Variants in VTI1A observed in about 807,000 individuals in gnomAD.
VTI1A encodes the protein vesicle transport through interaction with t-SNAREs homolog 1A.
A neutral mutation model predicts 34.9 loss-of-function variants in VTI1A; 22 were observed. The ratio of observed to expected loss-of-function variants is 0.63; its 90% CI spans 0.45 to 0.90. VTI1A has a LOEUF of 0.90. Among genes scored for constraint, VTI1A ranks in the 40% least tolerant of loss-of-function variants. The probability of loss-of-function intolerance (pLI) is 0.00; values close to 1 mark genes in which losing one functional copy is unlikely to be tolerated. For missense variants in VTI1A, 268 were observed against 275.6 expected, an observed-to-expected ratio of 0.97 and a Z score of 0.20; for synonymous variants, 87 against 97.3, an observed-to-expected ratio of 0.89 and a Z score of 0.62.
chr10:112,768,484 C>T (rs980215245), intron 7 of VTI1A, among the ~76,000 whole-genome samples: 1 of 152,188 alleles, frequency 6.6e-6, no homozygotes, highest in African/African-American at 2.4e-5. Context: ...CCCCCATGAT[C>T]GTCTACCAGT....
At chr10:112,712,470 A>G (rs1034216079) in intron 7 of VTI1A, among the ~76,000 whole-genome samples, 3 of 123,644 alleles carry the variant, frequency 2.4e-5, no homozygotes, top group East Asian at 2.6e-4. Context: ...GAGATCAACT[A>G]TTATCACACA....
chr10:112,631,131 A>G (rs982238836), intron 5 of VTI1A, among the ~76,000 whole-genome samples: 2 of 149,624 alleles, frequency 1.3e-5, no homozygotes, highest in Admixed American at 6.7e-5. Flanking sequence ...CTCTGTCTCA[A>G]AAAAAAAAAG....
intron 1 of VTI1A, among the ~76,000 whole-genome samples, chr10:112,459,872 A>T (rs953886574): frequency 1.3e-5 from 2 of 152,186 alleles, no homozygotes; most frequent in African/African-American, 2.4e-5. Flanking sequence ...AAGTAATTTC[A>T]CTTGCATCAA....
At chr10:112,807,901 C>A (rs1170942793) in intron 7 of VTI1A, among the ~76,000 whole-genome samples, 1 of 151,818 alleles carries the variant, frequency 6.6e-6, no homozygotes, top group Non-Finnish European at 1.5e-5. Context: ...TGAATCACAT[C>A]CACAAAGACC....
the VTI1A span, among the ~76,000 whole-genome samples, chr10:112,835,068 T>G: frequency 6.6e-6 from 1 of 152,130 alleles, no homozygotes; most frequent in Non-Finnish European, 1.5e-5. Flanking sequence ...AAATAAAGCA[T>G]GCTTAGACAC....
At chr10:112,654,748 T>G (rs1253918659) in intron 5 of VTI1A, among the ~76,000 whole-genome samples, 2 of 152,220 alleles carry the variant, frequency 1.3e-5, no homozygotes, top group Admixed American at 1.3e-4. Context: ...CCCAAAGTAC[T>G]GGGATTACAG....
intron 3 of VTI1A, among the ~76,000 whole-genome samples, chr10:112,480,957 G>GTATGGAC (rs1011898137): frequency 6.6e-6 from 1 of 152,154 alleles, no homozygotes; most frequent in Non-Finnish European, 1.5e-5. Context: ...AGAGTATGGA[G>GTATGGAC]AACTGAGCCA....
intron 7 of VTI1A, among the ~76,000 whole-genome samples, chr10:112,728,486 TC>T (rs1850127614): frequency 6.6e-6 from 1 of 152,232 alleles, no homozygotes; most frequent in Non-Finnish European, 1.5e-5. Context: ...AAGGAGCTTG[TC>T]CACAGTATGT....
intron 2 of VTI1A, among the ~76,000 whole-genome samples, chr10:112,462,550 A>G (rs1847759576): frequency 6.6e-6 from 1 of 152,228 alleles, no homozygotes; most frequent in South Asian, 2.1e-4. Context: ...TCAGAGAGTT[A>G]TTTTAAATAA....
At chr10:112,538,488 T>G (rs1000812972) in intron 5 of VTI1A, 158 bp downstream of exon 5, 1 of 637,504 alleles carries the variant, frequency 1.6e-6, no homozygotes, top group African/African-American at 1.9e-5. Context: ...GCGCTTATCT[T>G]TTTTCAAGTT....
At chr10:112,580,884 C>T (rs1203999922) in intron 5 of VTI1A, among the ~76,000 whole-genome samples, 3 of 152,246 alleles carry the variant, frequency 2.0e-5, no homozygotes, top group Admixed American at 6.5e-5. Context: ...TTAGGAATAA[C>T]TACGTACTGG....
intron 7 of VTI1A, among the ~76,000 whole-genome samples, chr10:112,769,583 G>A (rs1012407218): frequency 3.9e-5 from 6 of 152,312 alleles, no homozygotes; most frequent in Admixed American, 3.9e-4. Flanking sequence ...CCAGCAAGGT[G>A]GAGCCTTGGT....
chr10:112,802,467 A>T (rs1852908207), intron 7 of VTI1A, among the ~76,000 whole-genome samples: 1 of 152,170 alleles, frequency 6.6e-6, no homozygotes, highest in Admixed American at 6.5e-5. Flanking sequence ...GGATGATAAT[A>T]GGCCCCAGCT....
chr10:112,500,943 T>G (rs1283515823), intron 3 of VTI1A, among the ~76,000 whole-genome samples: 1 of 152,236 alleles, frequency 6.6e-6, no homozygotes, highest in Non-Finnish European at 1.5e-5. Context: ...AGGTCAGGCT[T>G]CTTCTTTGTA....
At chr10:112,486,668 T>TAAGAATATACAGTTGTATATTCTC in intron 3 of VTI1A, among the ~76,000 whole-genome samples, 1 of 151,422 alleles carries the variant, frequency 6.6e-6, no homozygotes. Context: ...TGTATATTCT[T>TAAGAATATACAGTTGTATATTCTC]AAGAATATAC....
intron 3 of VTI1A, among the ~76,000 whole-genome samples, chr10:112,499,760 T>C (rs1196777880): frequency 2.6e-5 from 4 of 152,260 alleles, no homozygotes; most frequent in African/African-American, 9.6e-5. Flanking sequence ...ATGAGAAACC[T>C]TGAAGACATT....
chr10:112,690,483 T>G (rs1848576107), intron 7 of VTI1A, among the ~76,000 whole-genome samples: 1 of 152,156 alleles, frequency 6.6e-6, no homozygotes, highest in South Asian at 2.1e-4. Flanking sequence ...CAGTTCCTAT[T>G]TGACCTATTT....
intron 3 of VTI1A, among the ~76,000 whole-genome samples, chr10:112,509,050 T>C (rs1177933391): frequency 6.6e-6 from 1 of 152,200 alleles, no homozygotes; most frequent in Admixed American, 6.5e-5. Flanking sequence ...AGTGACTGTG[T>C]TGGACATGAG....
At chr10:112,785,799 CTG>C (rs1159664843) in intron 7 of VTI1A, among the ~76,000 whole-genome samples, 4 of 152,098 alleles carry the variant, frequency 2.6e-5, no homozygotes, top group African/African-American at 9.7e-5. Context: ...TCTGGAATGT[CTG>C]TTGTCTGTTT....
Sources: allele counts gnomAD v4.1 joint callset (sites outside exome capture counted in the v4.1 genomes callset), GRCh38; gene constraint gnomAD v4.1.1; transcripts MANE v1.5; gene names NCBI Gene and HGNC (gene_info 2026-07-23, HGNC 2026-07-21).